The following VWDE variants were observed in gnomAD, a reference collection of about 807,000 sequenced individuals.
VWDE encodes the protein von Willebrand factor D and EGF domains.
Under a neutral mutation model 178.4 loss-of-function variants are expected in VWDE, and 207 were observed. The observed-to-expected ratio is 1.16, with a 90% CI of 1.04 to 1.30. The LOEUF (loss-of-function observed/expected upper bound fraction) is 1.30. Among genes scored for constraint, VWDE ranks in the 50% most tolerant of loss-of-function variants. The pLI is 0.00. For synonymous variants in VWDE, 738 were observed against 651.4 expected, an observed-to-expected ratio of 1.13 and a Z score of -2.02; for missense variants, 2,287 against 1,901.3, an observed-to-expected ratio of 1.20 and a Z score of -3.77.
At chr7:12,345,394 C>G (rs10259305) in intron 19 of VWDE, among the ~76,000 whole-genome samples, 11,728 of 152,108 alleles carry the variant, frequency 0.077, 968 homozygotes, top group African/African-American at 0.2. Context: ...CATACTACCT[C>G]TGCAATTGAT....
At chr7:12,368,792 C>A (rs2128555137) in intron 12 of VWDE, among the ~76,000 whole-genome samples, 1 of 152,186 alleles carries the variant, frequency 6.6e-6, no homozygotes, top group East Asian at 1.9e-4. Flanking sequence ...GTGGCTTGGA[C>A]TATGGTTGTA....
chr7:12,394,712 T>C (rs1345741537), intron 1 of VWDE, among the ~76,000 whole-genome samples: 1 of 152,132 alleles, frequency 6.6e-6, no homozygotes, highest in Non-Finnish European at 1.5e-5. Flanking sequence ...AATCTTCAAA[T>C]ACTTATATTA....
At chr7:12,341,795 G>A (rs1346526676) in intron 23 of VWDE, among the ~76,000 whole-genome samples, 1 of 152,086 alleles carries the variant, frequency 6.6e-6, no homozygotes, top group African/African-American at 2.4e-5. Flanking sequence ...TTCACCACAA[G>A]GTAGGTGAAT....
In VWDE at chr7:12,375,008, A is replaced by T; in HGVS notation, c.1242+2T>A. On this transcript the variant is annotated splice_donor_variant, in intron 8 of 28. Transcript: ENST00000275358. LOFTEE classifies it high-confidence loss of function. Reference sequence around the variant, plus strand: ...GCAGTATTAGTGTTGTAATTTGTCAACCTGGATGCTGTCTGGAATGTAGTT... The same window carrying T: ...GCAGTATTAGTGTTGTAATTTGTCATCCTGGATGCTGTCTGGAATGTAGTT... 6 of 1,550,578 alleles carry T rather than the reference A, an allele frequency of 3.9e-6. No individual in the cohort carries two copies. Among genetic ancestry groups the T allele is most frequent in the Non-Finnish European group, 5.2e-6 (6 of 1,146,150 alleles).
chr7:12,391,095 C>A (rs931051429), intron 2 of VWDE, among the ~76,000 whole-genome samples: 1 of 151,928 alleles, frequency 6.6e-6, no homozygotes, highest in Non-Finnish European at 1.5e-5. Context: ...ATAACTGTAA[C>A]TGAAAAAGAA....
At position 12,370,130 on chromosome 7, in the gene VWDE, A is replaced by T. The variant is rs1441221829; in HGVS notation, c.2176T>A (p.Leu726Met). 4 of 1,551,382 alleles carry T rather than the reference A, an allele frequency of 2.6e-6. No individual in the cohort carries two copies. Among genetic ancestry groups the T allele is most frequent in the Non-Finnish European group, 3.5e-6 (4 of 1,146,900 alleles). ...GNEKEDSLQY[L>M]ANKKYTQGRG... ...CCTTGTGTATATTTCTTATTGGCCA[A>T]ATATTGTAGTGAATCTTCTTTCTCA... The change falls in exon 12 of 29, where the codon TTG (leucine) becomes ATG (methionine). Residue 726 changes from leucine (L) to methionine (M), a missense_variant. By Grantham distance (15) the Leu-to-Met change is conservative (BLOSUM62 2). Transcript: ENST00000275358.
At chr7:12,382,824 A>G (rs968137685) in intron 4 of VWDE, among the ~76,000 whole-genome samples, 1 of 151,978 alleles carries the variant, frequency 6.6e-6, no homozygotes, top group Non-Finnish European at 1.5e-5. Context: ...CACTTAGATA[A>G]TCTACTTAGA....
rs1284217119 is a variant in VWDE at position 12,369,706 on chromosome 7, A to G, written c.2600T>C (p.Val867Ala). The change falls in exon 12 of 29, where the codon GTG becomes GCG. Residue 867 changes from valine (V) to alanine (A), a missense_variant. Coordinates refer to ENST00000275358, the MANE Select transcript of VWDE (RefSeq NM_001135924.3). Reference sequence around the variant, plus strand: ...TTCTGTGTTATATTTCCCCTCCTCCACAATCCTCTTTTCACATTCATTTTC... The same window carrying G: ...TTCTGTGTTATATTTCCCCTCCTCCGCAATCCTCTTTTCACATTCATTTTC... Reference protein sequence around the residue: ...LLENECEKRIVEEGKYNTEEY... With the variant: ...LLENECEKRIAEEGKYNTEEY... The G allele has an allele frequency of 6.4e-6, 10 of 1,551,574 alleles. No homozygotes were observed. The East Asian group carries it at 2.4e-4, about 38-fold the overall frequency.
chr7:12,359,460 G>C, intron 16 of VWDE, 118 bp downstream of exon 16: 1 of 614,412 alleles, frequency 1.6e-6, no homozygotes, highest in Non-Finnish European at 2.8e-6. Flanking sequence ...AGTTAGGAGA[G>C]ATGCTAAATT....
At chr7:12,342,632 A>G (rs935334601) in intron 22 of VWDE, among the ~76,000 whole-genome samples, 2 of 151,120 alleles carry the variant, frequency 1.3e-5, no homozygotes, top group Non-Finnish European at 2.9e-5. Context: ...CCTGGGATAA[A>G]TCTATTTTAT....
Position 12,357,312 on chromosome 7 carries a change from C to T in VWDE, c.3478G>A (p.Val1160Ile), listed in dbSNP as rs73678120. The stretch of plus-strand genomic sequence containing the variant: ...GCATCGCAGTCATCATTAAGGCGTA[C>T]AGTAATTTGTTGGGTAGTTAGTAAA... ...TDLLTTQQIT[V>I]RLNDDCDAET... Residue 1160 changes from valine to isoleucine, a missense_variant, in exon 17 of 29, where the codon GTA becomes ATA. Val to Ile is a conservative substitution (Grantham distance 29). Coordinates refer to ENST00000275358, the MANE Select transcript of VWDE (RefSeq NM_001135924.3). 31 of 1,552,024 alleles carry T rather than the reference C, an allele frequency of 2.0e-5. No homozygotes were observed. The highest frequency in any genetic ancestry group is 2.7e-5 in the African/African-American group (2 of 72,968).
chr7:12,402,826 A>C (rs1025562644), intron 1 of VWDE, among the ~76,000 whole-genome samples: 1 of 152,168 alleles, frequency 6.6e-6, no homozygotes, highest in Non-Finnish European at 1.5e-5. Context: ...AAGATCAAAA[A>C]ATGATAAGAC....
Position 12,351,658 on chromosome 7 carries a change from A to G in VWDE, c.3801T>C (p.Ser1267=). Residue 1267 remains serine, a synonymous_variant, in exon 19 of 29, where the codon TCT becomes TCC. Coordinates refer to ENST00000275358, the MANE Select transcript of VWDE (RefSeq NM_001135924.3). The part of the protein sequence containing the change: ...FTTQTVVLTR[S]DKSVNKEEDD... Reference sequence around the variant, plus strand: ...CCTCTTCTTTATTTACACTTTTATCAGATCTTGTGAGAACCACAGTTTGTG... The same window carrying G: ...CCTCTTCTTTATTTACACTTTTATCGGATCTTGTGAGAACCACAGTTTGTG... 1 of 1,550,112 alleles carries G rather than the reference A, an allele frequency of 6.5e-7. No homozygotes were observed. The highest frequency in any genetic ancestry group is 1.2e-5 in the South Asian group (1 of 83,786).
At chr7:12,385,615 C>G (rs1396866566) in intron 3 of VWDE, among the ~76,000 whole-genome samples, 1 of 152,082 alleles carries the variant, frequency 6.6e-6, no homozygotes, top group African/African-American at 2.4e-5. Context: ...TTGCCATCAG[C>G]AGAGAACACC....
At chr7:12,360,623 T>C (rs1015726414) in intron 15 of VWDE, among the ~76,000 whole-genome samples, 7 of 152,122 alleles carry the variant, frequency 4.6e-5, no homozygotes, top group Non-Finnish European at 1.0e-4. Flanking sequence ...TTCTGATAAA[T>C]ACGGAAGGCT....
intron 16 of VWDE, among the ~76,000 whole-genome samples, chr7:12,359,305 C>T (rs573644007): frequency 6.6e-6 from 1 of 152,136 alleles, no homozygotes. Flanking sequence ...TTAATAACTT[C>T]AGAAAACTGA....
At chr7:12,354,535 A>T in intron 18 of VWDE, 1 of 301,372 alleles carries the variant, frequency 3.3e-6, no homozygotes, top group Non-Finnish European at 6.5e-6. Flanking sequence ...TTTGAAAAAC[A>T]TCGTATGTCC....
chr7:12,375,044 A>G lies in VWDE; in HGVS notation c.1208T>C (p.Phe403Ser). The G allele has an allele frequency of 6.4e-7, 1 of 1,551,304 alleles. No individual in the cohort carries two copies. The highest frequency in any genetic ancestry group is 1.2e-5 in the South Asian group (1 of 84,056). Reference protein sequence around the residue: ...IVVQPIVNEDFLWNNYIPDSI... With the variant: ...IVVQPIVNEDSLWNNYIPDSI... ...GTCTGGAATGTAGTTGTTCCACAGG[A>G]AATCCTCATTAACTATTGGTTGCAC... The change falls in exon 8 of 29, where the codon TTC becomes TCC. Residue 403 changes from phenylalanine (F) to serine (S), a missense_variant. Coordinates refer to ENST00000275358, the MANE Select transcript of VWDE (RefSeq NM_001135924.3).
chr7:12,385,901 G>A (rs576521836), intron 3 of VWDE, among the ~76,000 whole-genome samples: 2 of 152,236 alleles, frequency 1.3e-5, no homozygotes, highest in African/African-American at 2.4e-5. Flanking sequence ...TCTGGGTTAG[G>A]AAATCAAGTG....
Sources: gnomAD v4.1 joint callset for allele counts (sites outside exome capture counted in the v4.1 genomes callset) on GRCh38, gnomAD v4.1.1 for gene constraint, MANE v1.5 for transcripts, NCBI Gene and HGNC (gene_info 2026-07-23, HGNC 2026-07-21) for gene names.